The following KIAA0040 variants were observed in gnomAD, a reference collection of about 807,000 sequenced individuals.
KIAA0040 encodes the protein KIAA0040.
Under a neutral mutation model 7.2 loss-of-function variants are expected in KIAA0040, and 10 were observed. That is an observed-to-expected ratio of 1.38 (90% CI 0.85 to 2.34). The LOEUF (loss-of-function observed/expected upper bound fraction) is 2.34, where lower values mean the gene tolerates loss of function less well. KIAA0040 is among the 30% of genes most tolerant of loss of function. KIAA0040 has a pLI of 0.00. For synonymous variants in KIAA0040, 49 were observed against 40.1 expected (o/e 1.22, Z -0.84); for missense variants, 89 against 108.2 (o/e 0.82, Z 0.79).
chr1:175,161,863 C>G (rs1676557188), intron 3 of KIAA0040, among the ~76,000 whole-genome samples: 1 of 152,176 alleles, frequency 6.6e-6, no homozygotes, highest in African/African-American at 2.4e-5. Flanking sequence ...TACCTTCTAC[C>G]TTCCTCTTCC....
intron 2 of KIAA0040, 58 bp downstream of exon 2, chr1:175,177,553 G>T: frequency 6.6e-6 from 1 of 152,242 alleles, no homozygotes; most frequent in Non-Finnish European, 1.5e-5. Flanking sequence ...TGGCTAAAGG[G>T]TAGTTTGAGT....
chr1:175,167,570 G>C (rs531489257), intron 2 of KIAA0040, among the ~76,000 whole-genome samples: 1 of 152,194 alleles, frequency 6.6e-6, no homozygotes, highest in African/African-American at 2.4e-5. Context: ...TGAGAGCCAC[G>C]GGGTTTTAAG....
chr1:175,175,165 T>C (rs568028241), intron 2 of KIAA0040, among the ~76,000 whole-genome samples: 29 of 152,324 alleles, frequency 1.9e-4, no homozygotes, highest in African/African-American at 6.5e-4. Flanking sequence ...GGAAAAAATG[T>C]TTTTTGAAAA....
chr1:175,165,575 T>G (rs1207173159), intron 3 of KIAA0040, among the ~76,000 whole-genome samples: 1 of 152,232 alleles, frequency 6.6e-6, no homozygotes, highest in East Asian at 1.9e-4. Flanking sequence ...TGTAGGTCTG[T>G]GGCTGTTGCT....
intron 1 of KIAA0040, among the ~76,000 whole-genome samples, chr1:175,191,188 TA>T (rs2101917551): frequency 6.6e-6 from 1 of 152,366 alleles, no homozygotes; most frequent in East Asian, 1.9e-4. Context: ...AAGGCCCTGG[TA>T]TACTGGCCTG....
At chr1:175,178,172 T>C (rs562398765) in intron 1 of KIAA0040, among the ~76,000 whole-genome samples, 1 of 152,344 alleles carries the variant, frequency 6.6e-6, no homozygotes, top group East Asian at 1.9e-4. Context: ...GCTGGGTAAC[T>C]TGAATCCTCC....
At chr1:175,161,507 T>C (rs1316916800) in intron 3 of KIAA0040, among the ~76,000 whole-genome samples, 1 of 152,188 alleles carries the variant, frequency 6.6e-6, no homozygotes, top group African/African-American at 2.4e-5. Flanking sequence ...CAATCTTTTT[T>C]CCACTGTAGC....
At chr1:175,176,776 C>A (rs1337808766) in intron 2 of KIAA0040, among the ~76,000 whole-genome samples, 1 of 136,574 alleles carries the variant, frequency 7.3e-6, no homozygotes, top group Non-Finnish European at 1.5e-5. Context: ...TGCCTCCATG[C>A]AGATATTCTT....
At chr1:175,184,583 C>T (rs1467447007) in intron 1 of KIAA0040, among the ~76,000 whole-genome samples, 1 of 152,194 alleles carries the variant, frequency 6.6e-6, no homozygotes, top group Admixed American at 6.5e-5. Context: ...GTCAGTGTGA[C>T]AGGGCTGGGC....
rs1207250112 is a variant in KIAA0040 at position 175,159,337 on chromosome 1, T to A, written c.*1377A>T. 1 of 152,344 alleles carries A rather than the reference T, an allele frequency of 6.6e-6. No homozygotes were observed. Among genetic ancestry groups the A allele is most frequent in the East Asian group, 1.9e-4 (1 of 5,186 alleles). The allele number at this position is 152,344 out of a possible 1,614,324, so 9.4% of individuals were successfully genotyped here. A position where few individuals can be genotyped will look rare whatever the true frequency, so the allele number is the denominator to read the frequency against. ...TGTCACCTACATGTGCTCTCCAGCA[T>A]TAAACACCCAATTTCATCCATTGCA... is the stretch of plus-strand genomic sequence containing the variant. On this transcript the variant is annotated 3_prime_UTR_variant, in exon 4 of 4. Coordinates refer to ENST00000423313, the MANE Select transcript of KIAA0040 (RefSeq NM_014656.3).
At position 175,180,606 on chromosome 1, in the gene KIAA0040, G is replaced by A. The variant is rs189290792; in HGVS notation, c.-383-2922C>T. ...ATGCTCAAATACCAGGTATTCTTGG[G>A]TGCTCCTGAGTAGATCTCTTTTGGA... is the stretch of plus-strand genomic sequence containing the variant. On this transcript the variant is annotated intron_variant, in intron 1 of 3. Coordinates refer to ENST00000423313, the MANE Select transcript of KIAA0040 (RefSeq NM_014656.3). 5.5e-4 allele frequency among the ~76,000 whole-genome samples: 83 copies of A among 152,292 alleles called. 1 individual carries two copies. Among genetic ancestry groups the A allele is most frequent in the Middle Eastern group, 3.4e-3 (1 of 294 alleles).
chr1:175,165,451 C>T (rs990598470), intron 3 of KIAA0040, among the ~76,000 whole-genome samples: 3 of 152,226 alleles, frequency 2.0e-5, no homozygotes, highest in Non-Finnish European at 4.4e-5. Context: ...CAGTGCTGGG[C>T]TTTTCTTCCT....
upstream of KIAA0040, chr1:175,192,796 C>T (rs1020566617): frequency 6.6e-6 from 1 of 150,382 alleles, no homozygotes; most frequent in South Asian, 1.9e-4. Context: ...GGCCCCGGCG[C>T]CGGCCAAGGT....
chr1:175,167,487 G>A (rs960717906), intron 2 of KIAA0040, among the ~76,000 whole-genome samples: 1 of 152,198 alleles, frequency 6.6e-6, no homozygotes, highest in African/African-American at 2.4e-5. Context: ...GGTGAGGGTG[G>A]ATGGCAGGGC....
chr1:175,190,107 G>T (rs1370594559), intron 1 of KIAA0040, among the ~76,000 whole-genome samples: 1 of 152,194 alleles, frequency 6.6e-6, no homozygotes, highest in Non-Finnish European at 1.5e-5. Flanking sequence ...GTTCTGGAAA[G>T]GTCTTCACAG....
At chr1:175,179,858 A>C (rs1422045564) in intron 1 of KIAA0040, among the ~76,000 whole-genome samples, 1 of 152,226 alleles carries the variant, frequency 6.6e-6, no homozygotes, top group Non-Finnish European at 1.5e-5. Flanking sequence ...TTAGTGGCCA[A>C]TGGCACACAG....
At chr1:175,187,462 C>T (rs1184147220) in intron 1 of KIAA0040, among the ~76,000 whole-genome samples, 1 of 152,164 alleles carries the variant, frequency 6.6e-6, no homozygotes, top group African/African-American at 2.4e-5. Context: ...CTTTTGAAAG[C>T]TGGCACTTTG....
chr1:175,191,961 G>C (rs996344187), intron 1 of KIAA0040, among the ~76,000 whole-genome samples: 1 of 152,170 alleles, frequency 6.6e-6, no homozygotes, highest in Non-Finnish European at 1.5e-5. Flanking sequence ...CTTCCCACTA[G>C]CTATCATCTA....
chr1:175,167,512 C>G (rs751306968), intron 2 of KIAA0040, among the ~76,000 whole-genome samples: 5 of 152,124 alleles, frequency 3.3e-5, no homozygotes, highest in Non-Finnish European at 5.9e-5. Flanking sequence ...GAATGGCAGC[C>G]CCACACCACA....
Sources: allele counts gnomAD v4.1 joint callset (sites outside exome capture counted in the v4.1 genomes callset), GRCh38; gene constraint gnomAD v4.1.1; transcripts MANE v1.5; gene names NCBI Gene and HGNC (gene_info 2026-07-23, HGNC 2026-07-21).